The following HSPA14 variants were observed in gnomAD, a reference collection of about 807,000 sequenced individuals.
HSPA14 encodes heat shock protein family A (Hsp70) member 14.
Under a neutral mutation model 65.5 loss-of-function variants are expected in HSPA14, and 37 were observed. That is an observed-to-expected ratio of 0.56 (90% CI 0.43 to 0.74). The LOEUF is 0.74. Among genes scored for constraint, HSPA14 ranks in the 30% least tolerant of loss-of-function variants. The pLI is 0.00. For missense variants in HSPA14, 564 were observed against 607.6 expected, an observed-to-expected ratio of 0.93 and a Z score of 0.75; for synonymous variants, 203 against 214.2, an observed-to-expected ratio of 0.95 and a Z score of 0.46.
chr10:14,855,743 AAAAG>A (rs1283407925), intron 9 of HSPA14, 94 bp from the exon 10 acceptor site: 8 of 632,774 alleles, frequency 1.3e-5, no homozygotes, highest in Non-Finnish European at 2.2e-5. Flanking sequence ...CTTCACAAGA[AAAAG>A]AAAAGTGATA....
intron 10 of HSPA14, among the ~76,000 whole-genome samples, 153 bp from the exon 11 acceptor site, chr10:14,866,930 T>C (rs1832811590): frequency 6.6e-6 from 1 of 152,208 alleles, no homozygotes; most frequent in African/African-American, 2.4e-5. Flanking sequence ...TTTGTGTATT[T>C]ATAGGTTAAG....
At chr10:14,870,561 T>C (rs762326104) in intron 12 of HSPA14, 36 bp from the exon 13 acceptor site, 10 of 1,561,422 alleles carry the variant, frequency 6.4e-6, no homozygotes, top group African/African-American at 1.4e-5. Flanking sequence ...TATGTAAAGA[T>C]GCTGAATTCT....
intron 6 of HSPA14, 129 bp from the exon 7 acceptor site, chr10:14,851,090 A>G (rs1834105381): frequency 1.6e-6 from 1 of 617,592 alleles, no homozygotes; most frequent in East Asian, 2.7e-5. Flanking sequence ...GCTTCTAAAG[A>G]TCATTATACT....
chr10:14,841,192 A>G (rs369418375), intron 3 of HSPA14: 1 of 152,220 alleles, frequency 6.6e-6, no homozygotes, highest in South Asian at 2.1e-4. Flanking sequence ...GCCAAAAACT[A>G]TAGTTGTTTG....
intron 13 of HSPA14, 111 bp from the exon 14 acceptor site, chr10:14,871,417 G>A: frequency 1.5e-6 from 1 of 661,496 alleles, no homozygotes. Flanking sequence ...CCCTTCTTTT[G>A]AAAATTAAAA....
At chr10:14,870,965 A>G (rs1228514146) in intron 13 of HSPA14, among the ~76,000 whole-genome samples, 1 of 152,168 alleles carries the variant, frequency 6.6e-6, no homozygotes, top group Non-Finnish European at 1.5e-5. Context: ...ATAATTTTCT[A>G]AGGTTTATGT....
chr10:14,856,185 A>T (rs945645128), intron 10 of HSPA14, among the ~76,000 whole-genome samples: 5 of 152,236 alleles, frequency 3.3e-5, no homozygotes, highest in African/African-American at 1.2e-4. Flanking sequence ...CTGTAAGCAT[A>T]GACAGAAAGA....
At position 14,851,122 on chromosome 10, in the gene HSPA14, T is replaced by G; in HGVS notation, c.468-97T>G. 4.2e-6 allele frequency: 3 copies of G among 711,484 alleles called. No individual in the cohort carries two copies. The East Asian group carries it at 7.5e-5, about 18-fold the overall frequency. The allele number at this position is 711,484 out of a possible 1,614,324, so 44.1% of individuals were successfully genotyped here. A position where few individuals can be genotyped will look rare whatever the true frequency, so the allele number is the denominator to read the frequency against. ...TACTTCATGTTCTACTTATGAAATT[T>G]TAGTAGCTTTTGTATAAAATCTTTA... On this transcript the variant is annotated intron_variant, in intron 6 of 13. Transcript: ENST00000378372.
chr10:14,844,436 T>C, intron 3 of HSPA14: 1 of 992,490 alleles, frequency 1.0e-6, no homozygotes, highest in Non-Finnish European at 1.2e-6. Context: ...ACTTGACTGC[T>C]TCATGGAGTT....
Position 14,851,251 on chromosome 10 carries a change from T to G in HSPA14, c.500T>G (p.Leu167Trp). 6.2e-7 allele frequency: 1 copy of G among 1,611,582 alleles called. No homozygotes were observed. Among genetic ancestry groups the G allele is most frequent in the South Asian group, 1.1e-5 (1 of 90,806 alleles). The change falls in exon 7 of 14, where the codon TTG becomes TGG. Residue 167 changes from leucine (L) to tryptophan (W), a missense_variant. Physicochemically the swap from Leu to Trp is moderately conservative, Grantham distance 61. Transcript: ENST00000378372. ...EAARAAGFNV[L>W]RLIHEPSAAL... ...GCTAGAGCTGCTGGATTTAATGTTT[T>G]GCGATTAATTCACGAACCGTCTGCA...
At chr10:14,838,956 C>T (rs1315834059) in intron 1 of HSPA14, among the ~76,000 whole-genome samples, 2 of 152,070 alleles carry the variant, frequency 1.3e-5, no homozygotes, top group African/African-American at 4.8e-5. Context: ...TACTTGGAGG[C>T]GGTGGTCTCT....
chr10:14,871,641 A>T lies in HSPA14; in HGVS notation c.*35A>T, dbSNP rs745624521. 1.8e-6 allele frequency: 2 copies of T among 1,140,874 alleles called. No homozygotes were observed. The highest frequency in any genetic ancestry group is 2.6e-5 in the South Asian group (2 of 75,486). The allele number at this position is 1,140,874 out of a possible 1,614,324, so 70.7% of individuals were successfully genotyped here. A position where few individuals can be genotyped will look rare whatever the true frequency, so the allele number is the denominator to read the frequency against. On this transcript the variant is annotated 3_prime_UTR_variant, in exon 14 of 14. Transcript: ENST00000378372. ...GAAATCAAGAATTTTTAAAAACAAG[A>T]ATATCAACATTTGGTTTTGTGTATA... is the stretch of plus-strand genomic sequence containing the variant.
At position 14,854,155 on chromosome 10, in the gene HSPA14, G is replaced by T. The variant is rs559179634; in HGVS notation, c.765G>T (p.Ala255=). Residue 255 remains alanine, a synonymous_variant, in exon 9 of 14, where the codon GCG becomes GCT. Transcript: ENST00000378372. ...TCAAACATGATGTGAGAGGAAATGC[G>T]CGAGCCATGATGAAATTAACGAACA... ...RSFKHDVRGN[A]RAMMKLTNSA... 1.9e-6 allele frequency: 3 copies of T among 1,608,360 alleles called. No homozygotes were observed. Among genetic ancestry groups the T allele is most frequent in the Non-Finnish European group, 8.5e-7 (1 of 1,178,518 alleles).
chr10:14,868,030 G>A, intron 12 of HSPA14, 121 bp downstream of exon 12: 1 of 752,948 alleles, frequency 1.3e-6, no homozygotes, highest in South Asian at 2.5e-5. Flanking sequence ...TTTTTATGAA[G>A]GATTTTATGA....
rs748692573 is a variant in HSPA14, at chr10:14,848,884, G to T, written c.365G>T (p.Ser122Ile). ...GAAGATGTTGCCAGACTGATATTTAGTAAAATGAAAGGTATTTAGCAAAAG... is the reference window on the plus strand; with the variant it reads ...GAAGATGTTGCCAGACTGATATTTATTAAAATGAAAGGTATTTAGCAAAAG... ...NPEDVARLIF[S>I]KMKETAHSVL... The change falls in exon 5 of 14, where the codon AGT becomes ATT. Residue 122 changes from serine to isoleucine, a missense_variant. Coordinates refer to ENST00000378372, the MANE Select transcript of HSPA14 (RefSeq NM_016299.4). The T allele has an allele frequency of 2.6e-6, 4 of 1,527,862 alleles. No homozygotes were observed. The highest frequency in any genetic ancestry group is 3.6e-6 in the Non-Finnish European group (4 of 1,107,728). The allele number at this position is 1,527,862 out of a possible 1,614,324, so 94.6% of individuals were successfully genotyped here.
chr10:14,846,868 C>T (rs928189604), intron 3 of HSPA14: 3 of 985,414 alleles, frequency 3.0e-6, no homozygotes, highest in Non-Finnish European at 1.2e-6. Flanking sequence ...GGTTGTGATA[C>T]ACAACCATAG....
intron 10 of HSPA14, among the ~76,000 whole-genome samples, chr10:14,861,246 GAGA>G (rs1233254370): frequency 1.3e-5 from 2 of 152,274 alleles, no homozygotes; most frequent in East Asian, 3.9e-4. Flanking sequence ...AGGGTGCTGG[GAGA>G]AGATGTATCT....
In HSPA14 at chr10:14,855,956, C is replaced by T. The variant is rs770528163; in HGVS notation, c.993+13C>T. The T allele has an allele frequency of 7.0e-7, 1 of 1,426,640 alleles. No homozygotes were observed. Among genetic ancestry groups the T allele is most frequent in the South Asian group, 1.2e-5 (1 of 86,814 alleles). 88.4% of individuals were successfully genotyped at this position (1,426,640 alleles called of 1,614,324 possible). On this transcript the variant is annotated intron_variant, in intron 10 of 13. Coordinates refer to ENST00000378372, the MANE Select transcript of HSPA14 (RefSeq NM_016299.4). ...TGATATCAACAAGGTAATGCTTTTA[C>T]ATTTTTCTTAACTATTTTAGGTGTA...
At chr10:14,847,233 T>A (rs946805667) in intron 3 of HSPA14, among the ~76,000 whole-genome samples, 3 of 152,220 alleles carry the variant, frequency 2.0e-5, no homozygotes, top group Non-Finnish European at 4.4e-5. Flanking sequence ...AATTCTCTTG[T>A]CTGGGTGGTA....
Sources: gnomAD v4.1 joint callset for allele counts (sites outside exome capture counted in the v4.1 genomes callset) on GRCh38, gnomAD v4.1.1 for gene constraint, MANE v1.5 for transcripts, NCBI Gene and HGNC (gene_info 2026-07-23, HGNC 2026-07-21) for gene names.